CNN1: variants seen among roughly 807,000 people sequenced by gnomAD.
The protein encoded by CNN1 is calponin-1.
A neutral mutation model predicts 35.3 loss-of-function variants in CNN1; 21 were observed. The ratio of observed to expected loss-of-function variants is 0.60; its 90% CI spans 0.42 to 0.86. The LOEUF (loss-of-function observed/expected upper bound fraction) is 0.86, where lower values mean the gene tolerates loss of function less well. CNN1 is among the 40% of genes least tolerant of loss of function. The pLI is 0.00. For missense variants in CNN1, 314 were observed against 400.8 expected (o/e 0.78, Z 1.85); for synonymous variants, 164 against 161.8 (o/e 1.01, Z -0.10).
intron 2 of CNN1, among the ~76,000 whole-genome samples, chr19:11,544,459 T>C (rs1412533656): frequency 6.6e-6 from 1 of 151,914 alleles, no homozygotes; most frequent in Non-Finnish European, 1.5e-5. Context: ...AGTCAGATGG[T>C]GGAGGGCATT....
intron 2 of CNN1, among the ~76,000 whole-genome samples, chr19:11,544,332 G>T (rs1438994416): frequency 6.6e-6 from 1 of 152,116 alleles, no homozygotes; most frequent in African/African-American, 2.4e-5. Flanking sequence ...GGGGCCACCA[G>T]TGCAAAGGCG....
intron 1 of CNN1, chr19:11,539,318 A>G: frequency 9.0e-7 from 1 of 1,109,292 alleles, no homozygotes; most frequent in Non-Finnish European, 1.1e-6. Flanking sequence ...TGATTTTTCC[A>G]TATCCCCCGG....
At chr19:11,539,596 C>A in intron 1 of CNN1, 1 of 825,948 alleles carries the variant, frequency 1.2e-6, no homozygotes, top group Non-Finnish European at 1.7e-6. Flanking sequence ...CTGGACTCAC[C>A]CCCCATACAC....
chr19:11,540,014 A>C, intron 1 of CNN1: 1 of 1,065,444 alleles, frequency 9.4e-7, no homozygotes, highest in Non-Finnish European at 1.1e-6. Flanking sequence ...CGGCAGGGCC[A>C]GGGCCAGGTG....
At chr19:11,541,359 A>C (rs527657964) in intron 2 of CNN1, among the ~76,000 whole-genome samples, 162 bp downstream of exon 2, 65 of 152,266 alleles carry the variant, frequency 4.3e-4, no homozygotes, top group African/African-American at 1.5e-3. Flanking sequence ...GGCACAGAAA[A>C]CTGAGGCTCA....
In CNN1 at chr19:11,539,797, C is replaced by T. The variant is rs541672250; in HGVS notation, c.63+807C>T. ...TGGGTTGGAACCTGGGTCGAGGGAT[C>T]TCGGGGCTGGAGGAGGGGGCTGGTG... On this transcript the variant is annotated intron_variant, in intron 1 of 6. Coordinates refer to ENST00000252456, the MANE Select transcript of CNN1 (RefSeq NM_001299.6). The T allele has an allele frequency of 2.1e-3, 2,293 of 1,109,424 alleles. 65 individuals are homozygous for T. The South Asian group carries it at 0.035, about 17-fold the overall frequency. The allele number at this position is 1,109,424 out of a possible 1,614,324, so 68.7% of individuals were successfully genotyped here. A position where few individuals can be genotyped will look rare whatever the true frequency, so the allele number is the denominator to read the frequency against.
intron 2 of CNN1, among the ~76,000 whole-genome samples, chr19:11,541,611 TAC>T (rs1337848438): frequency 4.6e-5 from 7 of 152,202 alleles, no homozygotes; most frequent in Admixed American, 3.9e-4. Flanking sequence ...TTTTTTGAGA[TAC>T]AGTCTTGTTC....
chr19:11,549,821 CCCCAAGGGAGG>C lies in CNN1; in HGVS notation c.*28_*38del. 1 of 1,577,644 alleles carries C rather than the reference CCCCAAGGGAGG, an allele frequency of 6.3e-7. No individual in the cohort carries two copies. Among genetic ancestry groups the C allele is most frequent in the Non-Finnish European group, 8.6e-7 (1 of 1,156,972 alleles). ...GGCCACAAGGCCTTCCCTGTTTTCC[CCCCAAGGGAGG>C]CTGCTGCTGCTCTTGGCTGGACCCA... On this transcript the variant is annotated 3_prime_UTR_variant, in exon 7 of 7. Transcript: ENST00000252456. The surrounding 1 kb of genome is among the most constrained non-coding windows in gnomAD (Gnocchi z 5.2).
At chr19:11,541,552 G>A (rs566254026) in intron 2 of CNN1, among the ~76,000 whole-genome samples, 1 of 152,248 alleles carries the variant, frequency 6.6e-6, no homozygotes, top group South Asian at 2.1e-4. Context: ...GGAGAGATGT[G>A]CAGCAATAAT....
Position 11,549,723 on chromosome 19 carries a change from G to T in CNN1, c.822G>T (p.Leu274=), listed in dbSNP as rs10401174. 37,440 of 1,614,124 alleles carry T rather than the reference G, an allele frequency of 0.023. 5,031 individuals carry two copies. In the African/African-American group the frequency reaches 0.35, roughly 15 times the overall value. ...AGGTCTACGACCCCAAGTACTGTCTGACTCCCGAGTACCCAGAGCTGGGTG... is the reference window on the plus strand; with the variant it reads ...AGGTCTACGACCCCAAGTACTGTCTTACTCCCGAGTACCCAGAGCTGGGTG... ...PRQVYDPKYC[L]TPEYPELGEP... is the part of the protein sequence containing the mutation. Residue 274 remains leucine (L), a synonymous_variant, in exon 7 of 7, where the codon CTG becomes CTT. Transcript: ENST00000252456. This position sits in a 1 kb window ranked among gnomAD's most constrained non-coding sequence, Gnocchi z 5.2.
chr19:11,546,917 A>G lies in CNN1; in HGVS notation c.338A>G (p.Glu113Gly). ...HDIFEANDLF[E>G]NTNHTQVQST... ...ATTTTTGAGGCCAACGACCTGTTTGAGAACACCAACCATACACAGGTGCAG... is the reference window on the plus strand; with the variant it reads ...ATTTTTGAGGCCAACGACCTGTTTGGGAACACCAACCATACACAGGTGCAG... Residue 113 changes from glutamate (E) to glycine (G), a missense_variant, in exon 4 of 7, where the codon GAG (glutamate) becomes GGG (glycine). Physicochemically the swap from Glu to Gly is moderately conservative, Grantham distance 98. Coordinates refer to ENST00000252456, the MANE Select transcript of CNN1 (RefSeq NM_001299.6). 1 of 1,614,236 alleles carries G rather than the reference A, an allele frequency of 6.2e-7. No individual in the cohort carries two copies. The highest frequency in any genetic ancestry group is 8.5e-7 in the Non-Finnish European group (1 of 1,180,050).
rs868300215 is a variant in CNN1 at position 11,549,722 on chromosome 19, T to C, written c.821T>C (p.Leu274Pro). Residue 274 changes from leucine (L) to proline (P), a missense_variant, in exon 7 of 7, where the codon CTG becomes CCG. Coordinates refer to ENST00000252456, the MANE Select transcript of CNN1 (RefSeq NM_001299.6). The surrounding 1 kb of genome is among the most constrained non-coding windows in gnomAD (Gnocchi z 5.2). Reference sequence around the variant, plus strand: ...CAGGTCTACGACCCCAAGTACTGTCTGACTCCCGAGTACCCAGAGCTGGGT... The same window carrying C: ...CAGGTCTACGACCCCAAGTACTGTCCGACTCCCGAGTACCCAGAGCTGGGT... ...PRQVYDPKYC[L>P]TPEYPELGEP... 1.9e-6 allele frequency: 3 copies of C among 1,614,116 alleles called. No individual in the cohort carries two copies. Among genetic ancestry groups the C allele is most frequent in the African/African-American group, 2.7e-5 (2 of 74,952 alleles).
intron 5 of CNN1, among the ~76,000 whole-genome samples, chr19:11,548,617 C>G (rs2145044100): frequency 6.6e-6 from 1 of 152,126 alleles, no homozygotes; most frequent in South Asian, 2.1e-4. Context: ...GCAGGCGGAT[C>G]ACTTAAAGTC....
At chr19:11,546,228 G>C (rs1393532858) in intron 2 of CNN1, among the ~76,000 whole-genome samples, 2 of 152,200 alleles carry the variant, frequency 1.3e-5, no homozygotes, top group African/African-American at 4.8e-5. Flanking sequence ...CTGCAGCTGA[G>C]AGCTGACTGC....
rs777041448 is a variant in CNN1, at chr19:11,549,236, G to A, written c.502-87G>A. The A allele has an allele frequency of 1.4e-5, 19 of 1,352,092 alleles. No homozygotes were observed. Among genetic ancestry groups the A allele is most frequent in the Middle Eastern group, 1.9e-4 (1 of 5,202 alleles). 83.8% of individuals were successfully genotyped at this position (1,352,092 alleles called of 1,614,324 possible). ...TAAAAATTGAAAAAAATGATAAAGC[G>A]GCGCCTCATCCTCTCCCATCAGCTA... On this transcript the variant is annotated intron_variant, in intron 5 of 6. Transcript: ENST00000252456. This position sits in a 1 kb window ranked among gnomAD's most constrained non-coding sequence, Gnocchi z 5.2.
intron 2 of CNN1, among the ~76,000 whole-genome samples, chr19:11,545,405 C>T (rs1311127353): frequency 1.4e-5 from 2 of 146,262 alleles, no homozygotes; most frequent in Non-Finnish European, 1.5e-5. Flanking sequence ...GGACATGAGG[C>T]TGAGAGAAGG....
At chr19:11,541,911 T>G (rs996239664) in intron 2 of CNN1, 9 of 150,526 alleles carry the variant, frequency 6.0e-5, no homozygotes, top group South Asian at 2.1e-4. Context: ...TTTTTTTTTT[T>G]TTTTTTTCAG....
chr19:11,548,266 G>A (rs1256854957), intron 5 of CNN1, among the ~76,000 whole-genome samples: 1 of 152,188 alleles, frequency 6.6e-6, no homozygotes, highest in East Asian at 1.9e-4. Context: ...CAGGCGGGGT[G>A]CAGTGGCTCA....
intron 2 of CNN1, among the ~76,000 whole-genome samples, 183 bp from the exon 3 acceptor site, chr19:11,546,492 C>T (rs141679459): frequency 0.02 from 3,060 of 152,162 alleles, 61 homozygotes; most frequent in Admixed American, 0.052. Context: ...TGTGCCACCA[C>T]GCCTGGCTAA....
Sources: gnomAD v4.1 joint callset for allele counts (sites outside exome capture counted in the v4.1 genomes callset) on GRCh38, gnomAD v4.1.1 for gene constraint, Gnocchi (gnomAD v3.1) non-coding constraint, MANE v1.5 for transcripts, NCBI Gene and HGNC (gene_info 2026-07-23, HGNC 2026-07-21) for gene names.